Variants in PHF21A observed in about 807,000 individuals in gnomAD.
The protein encoded by PHF21A is BHC80a.
Under a neutral mutation model 82.5 loss-of-function variants are expected in PHF21A, and 11 were observed. That is an observed-to-expected ratio of 0.13 (90% CI 0.08 to 0.22). The LOEUF is 0.22. PHF21A is among the 10% of genes least tolerant of loss of function. The probability of loss-of-function intolerance (pLI) is 1.00; values close to 1 mark genes in which losing one functional copy is unlikely to be tolerated. For missense variants in PHF21A, 579 were observed against 837.8 expected, an observed-to-expected ratio of 0.69 and a Z score of 3.81; for synonymous variants, 297 against 302.8, an observed-to-expected ratio of 0.98 and a Z score of 0.20.
intron 9 of PHF21A, among the ~76,000 whole-genome samples, chr11:45,967,349 T>C (rs1003417392): frequency 1.4e-5 from 2 of 145,762 alleles, no homozygotes; most frequent in Admixed American, 7.0e-5. Context: ...GCCTGGGTGA[T>C]AGAGTGAGAC....
chr11:45,971,107 C>T lies in PHF21A; in HGVS notation c.612+9G>A. ...TGTGATCACACATGAGGAGCAGCTG[C>T]TGGCTTACCAGAGTGACTGTGTTTT... On this transcript the variant is annotated intron_variant, in intron 8 of 18. Transcript: ENST00000676320. The T allele has an allele frequency of 6.2e-7, 1 of 1,613,874 alleles. No individual in the cohort carries two copies. The highest frequency in any genetic ancestry group is 8.5e-7 in the Non-Finnish European group (1 of 1,179,906).
intron 6 of PHF21A, among the ~76,000 whole-genome samples, chr11:46,011,792 C>T (rs1266573087): frequency 1.3e-5 from 2 of 152,176 alleles, no homozygotes; most frequent in Admixed American, 6.5e-5. Context: ...TTATTTACTG[C>T]TTGATTGCAA....
chr11:45,994,447 T>G (rs2094832118), intron 6 of PHF21A, among the ~76,000 whole-genome samples: 4 of 152,204 alleles, frequency 2.6e-5, no homozygotes, highest in Admixed American at 2.6e-4. Flanking sequence ...CCAGCCTCCC[T>G]GCTTTCAGAG....
chr11:46,074,691 C>T lies in PHF21A; in HGVS notation c.153+2063G>A, dbSNP rs183731776. On this transcript the variant is annotated intron_variant, in intron 6 of 18. Transcript: ENST00000676320. ...TTAATTTTTGTATTTTTAGTAGAGA[C>T]GGGGTTTTGCCACGTTGGCCAGGCT... is the stretch of plus-strand genomic sequence containing the variant. 8.2e-4 allele frequency among the ~76,000 whole-genome samples: 125 copies of T among 152,202 alleles called. 2 individuals carry two copies. In the East Asian group the frequency reaches 0.015, roughly 18 times the overall value.
chr11:45,949,489 G>T lies in PHF21A; in HGVS notation c.1148-8C>A. Reference sequence around the variant, plus strand: ...GCCTCTTGCTTTGGATTTCTTGAGAGAAGAAAAGGTTTTCATTAGCAGAGA... The same window carrying T: ...GCCTCTTGCTTTGGATTTCTTGAGATAAGAAAAGGTTTTCATTAGCAGAGA... On this transcript the variant is annotated splice_polypyrimidine_tract_variant and splice_region_variant and intron_variant, in intron 12 of 18. Transcript: ENST00000676320. The T allele has an allele frequency of 1.2e-6, 2 of 1,613,026 alleles. No individual in the cohort carries two copies. The highest frequency in any genetic ancestry group is 1.7e-6 in the Non-Finnish European group (2 of 1,179,014).
chr11:46,016,553 A>G (rs1240509889), intron 6 of PHF21A, among the ~76,000 whole-genome samples: 1 of 152,044 alleles, frequency 6.6e-6, no homozygotes, highest in Non-Finnish European at 1.5e-5. Context: ...TTCTTACATA[A>G]ACCCTTCCCT....
chr11:45,958,664 C>A (rs548286230), intron 10 of PHF21A, among the ~76,000 whole-genome samples: 1 of 151,654 alleles, frequency 6.6e-6, no homozygotes, highest in African/African-American at 2.4e-5. Flanking sequence ...GCCTATAATC[C>A]CAACACTTTG....
chr11:45,976,251 C>G (rs1322657197), intron 7 of PHF21A, among the ~76,000 whole-genome samples: 1 of 152,186 alleles, frequency 6.6e-6, no homozygotes, highest in Non-Finnish European at 1.5e-5. Flanking sequence ...ATTCATCTGA[C>G]AGGGCCCTGC....
At chr11:46,043,840 T>C (rs998404501) in intron 6 of PHF21A, among the ~76,000 whole-genome samples, 1 of 152,194 alleles carries the variant, frequency 6.6e-6, no homozygotes, top group Non-Finnish European at 1.5e-5. Flanking sequence ...GGCAGTTTTC[T>C]AATCATTTCA....
At chr11:46,085,361 A>C (rs1353898386) in intron 3 of PHF21A, among the ~76,000 whole-genome samples, 1 of 152,100 alleles carries the variant, frequency 6.6e-6, no homozygotes, top group African/African-American at 2.4e-5. Flanking sequence ...ATAATGTCAA[A>C]AGTCTAAATC....
intron 6 of PHF21A, among the ~76,000 whole-genome samples, chr11:46,028,473 G>A (rs2095796548): frequency 6.7e-6 from 1 of 149,030 alleles, no homozygotes. Context: ...AGGAAAAAAA[G>A]TTTTTCCCTC....
chr11:46,055,126 C>A, intron 6 of PHF21A, among the ~76,000 whole-genome samples: 1 of 152,130 alleles, frequency 6.6e-6, no homozygotes. Flanking sequence ...TAAATTATGG[C>A]GAGAACTTAA....
intron 6 of PHF21A, among the ~76,000 whole-genome samples, chr11:46,072,049 A>T (rs1337199076): frequency 1.3e-5 from 2 of 152,212 alleles, no homozygotes; most frequent in Non-Finnish European, 1.5e-5. Flanking sequence ...ATAAAAAAGC[A>T]AATAAAACAA....
intron 6 of PHF21A, among the ~76,000 whole-genome samples, chr11:46,054,019 C>T (rs1294780731): frequency 6.6e-6 from 1 of 152,062 alleles, no homozygotes; most frequent in African/African-American, 2.4e-5. Flanking sequence ...TCGCCACAAG[C>T]TTTTTCACAA....
intron 1 of PHF21A, among the ~76,000 whole-genome samples, chr11:46,104,508 T>C (rs1027151447): frequency 1.3e-5 from 2 of 152,242 alleles, no homozygotes; most frequent in African/African-American, 4.8e-5. Flanking sequence ...ATGTATTTTC[T>C]ATTTTTCCCA....
chr11:45,936,510 A>G lies in PHF21A; in HGVS notation c.1668T>C (p.Tyr556=), dbSNP rs748397500. Residue 556 remains tyrosine, a synonymous_variant, in exon 17 of 19, where the codon TAT becomes TAC. Coordinates refer to ENST00000676320, the MANE Select transcript of PHF21A (RefSeq NM_001352027.3). ...WPGTLAIVHS[Y]IAYKAAKEEE... ...ACTCCTTACCTGCTTTGTAGGCAAT[A>G]TAGGAATGAACAATTGCTAAAGTTC... The G allele has an allele frequency of 2.5e-6, 4 of 1,611,098 alleles. No individual in the cohort carries two copies. Among genetic ancestry groups the G allele is most frequent in the Non-Finnish European group, 3.4e-6 (4 of 1,177,320 alleles).
At chr11:46,119,956 C>T (rs1034023077) in intron 1 of PHF21A, 1 of 146,032 alleles carries the variant, frequency 6.8e-6, no homozygotes, top group Non-Finnish European at 1.5e-5. Context: ...CCGGCCCGCT[C>T]GGGGTCCCGG....
chr11:45,977,695 C>T (rs573735850), intron 7 of PHF21A, among the ~76,000 whole-genome samples: 2 of 152,278 alleles, frequency 1.3e-5, no homozygotes, highest in African/African-American at 4.8e-5. Flanking sequence ...TTTTGAATGC[C>T]TAATTTCCAA....
intron 6 of PHF21A, among the ~76,000 whole-genome samples, chr11:46,002,986 A>C (rs2095188162): frequency 6.6e-6 from 1 of 152,168 alleles, no homozygotes; most frequent in African/African-American, 2.4e-5. Flanking sequence ...TGCTACAGAA[A>C]TTTTTCTAAA....
Sources: gnomAD v4.1 joint callset for allele counts (sites outside exome capture counted in the v4.1 genomes callset) on GRCh38, gnomAD v4.1.1 for gene constraint, MANE v1.5 for transcripts, NCBI Gene and HGNC (gene_info 2026-07-23, HGNC 2026-07-21) for gene names.